The following CHRM3 variants were observed in gnomAD, a reference collection of about 807,000 sequenced individuals.
The protein encoded by CHRM3 is muscarinic acetylcholine receptor M3.
Under a neutral mutation model 41.8 loss-of-function variants are expected in CHRM3, and 11 were observed. The ratio of observed to expected loss-of-function variants is 0.26; its 90% CI spans 0.17 to 0.44. The LOEUF (loss-of-function observed/expected upper bound fraction) is 0.44, where lower values mean the gene tolerates loss of function less well. Ranked by LOEUF, CHRM3 falls within the 20% of genes least tolerant of loss-of-function variation. The probability of loss-of-function intolerance (pLI) is 1.00; values close to 1 mark genes in which losing one functional copy is unlikely to be tolerated. For missense variants in CHRM3, 571 were observed against 745.4 expected (o/e 0.77, Z 2.72); for synonymous variants, 297 against 301.4 (o/e 0.99, Z 0.15).
At chr1:239,431,199 AAATT>A (rs1662808020) in intron 1 of CHRM3, among the ~76,000 whole-genome samples, 1 of 152,146 alleles carries the variant, frequency 6.6e-6, no homozygotes, top group Admixed American at 6.6e-5. Context: ...ATTAGGAGTA[AAATT>A]AATTTATTTA....
rs1221135009 is a variant in CHRM3, at chr1:239,668,089, C to CTT, written c.-249-10071_-249-10070dup. 2.4e-3 allele frequency among the ~76,000 whole-genome samples: 182 copies of CTT among 75,616 alleles called. 9 individuals are homozygous for CTT. Among genetic ancestry groups the CTT allele is most frequent in the East Asian group, 3.6e-3 (10 of 2,756 alleles). 49.6% of individuals were successfully genotyped at this position (75,616 alleles called of 152,430 possible). On this transcript the variant is annotated intron_variant, in intron 4 of 6. Transcript: ENST00000676153. The stretch of plus-strand genomic sequence containing the variant: ...TTTTCTTTTCTTTTTTTTCCCCTTT[C>CTT]TTTTTTTTTTTTTTTTTTTTTTTTT...
At chr1:239,885,112 A>G (rs1040547421) in intron 6 of CHRM3, among the ~76,000 whole-genome samples, 2 of 152,218 alleles carry the variant, frequency 1.3e-5, no homozygotes, top group African/African-American at 2.4e-5. Context: ...TTTAACAAGC[A>G]GGTGCCTTAA....
chr1:239,634,323 A>G (rs577216183), intron 4 of CHRM3, among the ~76,000 whole-genome samples: 5 of 151,194 alleles, frequency 3.3e-5, no homozygotes, highest in African/African-American at 1.2e-4. Context: ...TGTATAACAG[A>G]AACGAGAGAG....
chr1:239,412,320 T>TGCC (rs2103051101), intron 1 of CHRM3, among the ~76,000 whole-genome samples: 1 of 114 alleles, frequency 8.8e-3, no homozygotes. Flanking sequence ...CCTTCCTTTC[T>TGCC]TCTTCCTTCC....
At chr1:239,494,041 A>G (rs1283100457) in intron 2 of CHRM3, among the ~76,000 whole-genome samples, 1 of 152,214 alleles carries the variant, frequency 6.6e-6, no homozygotes, top group African/African-American at 2.4e-5. Flanking sequence ...GCTCTTGGCA[A>G]CTGTATTTAT....
chr1:239,569,208 GCTCT>G (rs765062401), intron 3 of CHRM3, among the ~76,000 whole-genome samples: 1 of 152,092 alleles, frequency 6.6e-6, no homozygotes, highest in Non-Finnish European at 1.5e-5. Context: ...AATTCTGTTT[GCTCT>G]CTCTAAGATA....
At chr1:239,559,012 C>G (rs984305203) in intron 3 of CHRM3, among the ~76,000 whole-genome samples, 14 of 152,140 alleles carry the variant, frequency 9.2e-5, no homozygotes, top group Non-Finnish European at 1.6e-4. Context: ...TGCCCAAAAA[C>G]ATCTAGGGTA....
intron 6 of CHRM3, among the ~76,000 whole-genome samples, chr1:239,839,212 C>G (rs1373075945): frequency 2.0e-5 from 3 of 152,220 alleles, no homozygotes; most frequent in Non-Finnish European, 4.4e-5. Flanking sequence ...CATGCTAGGA[C>G]TGAAACTTGG....
At chr1:239,496,387 T>A (rs1667881705) in intron 2 of CHRM3, among the ~76,000 whole-genome samples, 1 of 152,118 alleles carries the variant, frequency 6.6e-6, no homozygotes, top group African/African-American at 2.4e-5. Context: ...ATTTGTTAAA[T>A]ATATATAATA....
At chr1:239,670,530 A>G (rs1176331609) in intron 4 of CHRM3, among the ~76,000 whole-genome samples, 1 of 151,956 alleles carries the variant, frequency 6.6e-6, no homozygotes, top group African/African-American at 2.4e-5. Flanking sequence ...GTTTTTATGG[A>G]GATAGAGTCT....
At chr1:239,446,182 G>A (rs566997003) in intron 1 of CHRM3, among the ~76,000 whole-genome samples, 215 of 152,208 alleles carry the variant, frequency 1.4e-3, no homozygotes, top group African/African-American at 4.5e-3. Context: ...TGATCCGCCC[G>A]CCTTGGCCTC....
intron 1 of CHRM3, among the ~76,000 whole-genome samples, chr1:239,396,928 A>G (rs1440049039): frequency 6.6e-6 from 1 of 152,252 alleles, no homozygotes; most frequent in Non-Finnish European, 1.5e-5. Context: ...ATTTAACTGC[A>G]TAAAAACCAA....
At chr1:239,407,843 A>G (rs1236844025) in intron 1 of CHRM3, among the ~76,000 whole-genome samples, 1 of 152,248 alleles carries the variant, frequency 6.6e-6, no homozygotes, top group Non-Finnish European at 1.5e-5. Flanking sequence ...CATATACATT[A>G]AAAAGGAAGT....
rs145517788 is a variant in CHRM3, at chr1:239,449,053, G to A, written c.-520-43656G>A. The stretch of plus-strand genomic sequence containing the variant: ...CACAACGTCTCTGTTTATTGTAACC[G>A]TTTGTTACCATAAAAGTATAAACTG... On this transcript the variant is annotated intron_variant, in intron 1 of 6. Coordinates refer to ENST00000676153, the MANE Select transcript of CHRM3 (RefSeq NM_001375978.1). Among the ~76,000 whole-genome samples, 52 of 152,164 alleles carry A rather than the reference G, an allele frequency of 3.4e-4. 1 individual carries two copies. The highest frequency in any genetic ancestry group is 1.0e-3 in the African/African-American group (43 of 41,528).
intron 5 of CHRM3, among the ~76,000 whole-genome samples, chr1:239,735,112 A>G (rs1200305814): frequency 6.6e-6 from 1 of 152,144 alleles, no homozygotes; most frequent in Non-Finnish European, 1.5e-5. Context: ...AGAAAGAGAA[A>G]ACTTTATCAT....
At chr1:239,817,126 C>T (rs1558148989) in intron 5 of CHRM3, among the ~76,000 whole-genome samples, 1 of 152,118 alleles carries the variant, frequency 6.6e-6, no homozygotes, top group Admixed American at 6.5e-5. Context: ...ACAGACAGTG[C>T]CTCCTAAGGG....
At chr1:239,771,224 C>G (rs572506065) in intron 5 of CHRM3, among the ~76,000 whole-genome samples, 1 of 152,296 alleles carries the variant, frequency 6.6e-6, no homozygotes, top group East Asian at 1.9e-4. Context: ...CCTCTCCCTT[C>G]TTCATTTCAT....
chr1:239,575,044 C>A (rs974304579), intron 3 of CHRM3, among the ~76,000 whole-genome samples: 1 of 152,110 alleles, frequency 6.6e-6, no homozygotes, highest in African/African-American at 2.4e-5. Flanking sequence ...GAATCTATGT[C>A]CTGATTCTGA....
At position 239,759,957 on chromosome 1, in the gene CHRM3, T is replaced by C. The variant is rs537482051; in HGVS notation, c.-146-67295T>C. On this transcript the variant is annotated intron_variant, in intron 5 of 6. Coordinates refer to ENST00000676153, the MANE Select transcript of CHRM3 (RefSeq NM_001375978.1). Reference sequence around the variant, plus strand: ...TGAGATGGAGTCTCGCTCCATCGCCTAGGCTGGAGTGCAGTGGCGCGATCT... The same window carrying C: ...TGAGATGGAGTCTCGCTCCATCGCCCAGGCTGGAGTGCAGTGGCGCGATCT... Among the ~76,000 whole-genome samples the C allele has an allele frequency of 2.4e-4, 36 of 152,216 alleles. No homozygotes were observed. The South Asian group carries it at 3.3e-3, about 14-fold the overall frequency.
Sources: gnomAD v4.1 joint callset for allele counts (sites outside exome capture counted in the v4.1 genomes callset) on GRCh38, gnomAD v4.1.1 for gene constraint, MANE v1.5 for transcripts, NCBI Gene and HGNC (gene_info 2026-07-23, HGNC 2026-07-21) for gene names.